Variants in ART3 observed in about 807,000 individuals in gnomAD.
ART3 encodes ecto-ADP-ribosyltransferase 3.
In ART3, 49 loss-of-function variants were observed where a neutral mutation model predicts 48.5. That is an observed-to-expected ratio of 1.01 (90% confidence interval 0.80 to 1.28). ART3 has a LOEUF of 1.28. Ranked by LOEUF, ART3 falls within the 50% of genes most tolerant of loss-of-function variation. The pLI is 0.00. For synonymous variants in ART3, 145 were observed against 157.2 expected, an observed-to-expected ratio of 0.92 and a Z score of 0.58; for missense variants, 438 against 454.3, an observed-to-expected ratio of 0.96 and a Z score of 0.33.
chr4:76,105,298 A>T (rs1728224546), intron 10 of ART3, among the ~76,000 whole-genome samples: 1 of 152,154 alleles, frequency 6.6e-6, no homozygotes. Context: ...AGACAGATAG[A>T]CCTGGCTTCA....
chr4:76,023,455 T>A, intron 1 of ART3: 1 of 1,606,558 alleles, frequency 6.2e-7, no homozygotes, highest in Non-Finnish European at 8.5e-7. Flanking sequence ...GAGGTTCCTC[T>A]GCTGTAGGCT....
At chr4:76,099,067 C>T (rs566540564) in intron 5 of ART3, 80 bp downstream of exon 5, 31 of 1,290,486 alleles carry the variant, frequency 2.4e-5, no homozygotes, top group Admixed American at 3.6e-5. Flanking sequence ...TTTGGAAGGC[C>T]GAGGTGAGTG....
chr4:76,109,688 G>T (rs1729116333), intron 11 of ART3, among the ~76,000 whole-genome samples: 1 of 152,154 alleles, frequency 6.6e-6, no homozygotes, highest in Non-Finnish European at 1.5e-5. Flanking sequence ...TTGCTAGGCA[G>T]TAGGAAATTT....
Position 76,060,115 on chromosome 4 carries a change from G to A in ART3, c.-9-15766G>A, listed in dbSNP as rs116961461. Among the ~76,000 whole-genome samples, 291 of 152,170 alleles carry A rather than the reference G, an allele frequency of 1.9e-3. 7 individuals are homozygous for A. The East Asian group carries it at 0.049, about 26-fold the overall frequency. On this transcript the variant is annotated intron_variant, in intron 1 of 9. Coordinates refer to the ART3 transcript ENST00000341029. ...GTCAGGTCTTAAAAAACTCATTTCC[G>A]TAGTTCCTGGTTTATAAAGTCTAAT...
intron 3 of ART3, among the ~76,000 whole-genome samples, chr4:76,090,042 T>C (rs1415351510): frequency 6.6e-6 from 1 of 152,160 alleles, no homozygotes; most frequent in East Asian, 1.9e-4. Flanking sequence ...ATTGCGCCAT[T>C]GCACTCCAGC....
At chr4:76,022,890 A>G (rs968093016) in intron 1 of ART3, 15 of 1,499,442 alleles carry the variant, frequency 1.0e-5, no homozygotes, top group Non-Finnish European at 1.4e-5. Context: ...GACTGGTGGT[A>G]TTTAGCAGAA....
chr4:76,075,756 C>G (rs1720899164), intron 1 of ART3, 125 bp from the exon 2 acceptor site: 1 of 661,762 alleles, frequency 1.5e-6, no homozygotes, highest in African/African-American at 1.8e-5. Context: ...TATTGATAAT[C>G]ACTTCCTGAC....
At chr4:76,046,084 T>C (rs1048689383) in intron 1 of ART3, among the ~76,000 whole-genome samples, 10 of 149,722 alleles carry the variant, frequency 6.7e-5, no homozygotes, top group African/African-American at 2.5e-5. Context: ...CATCCACATA[T>C]TGAAGGACCA....
chr4:76,069,812 T>C (rs1280443481), upstream of ART3, among the ~76,000 whole-genome samples: 3 of 150,974 alleles, frequency 2.0e-5, no homozygotes, highest in Non-Finnish European at 3.0e-5. Context: ...ATTATATTTA[T>C]AGATATATTT....
chr4:76,079,970 A>G (rs937979202), intron 2 of ART3, among the ~76,000 whole-genome samples: 5 of 152,086 alleles, frequency 3.3e-5, no homozygotes, highest in African/African-American at 7.2e-5. Context: ...TATCATTCAC[A>G]TAGAACCTGT....
At chr4:76,044,244 A>G (rs1013357731) in intron 1 of ART3, among the ~76,000 whole-genome samples, 7 of 152,046 alleles carry the variant, frequency 4.6e-5, no homozygotes, top group African/African-American at 1.7e-4. Flanking sequence ...GTCTGATTTC[A>G]GAAGCCTTTT....
intron 2 of ART3, among the ~76,000 whole-genome samples, chr4:76,079,239 A>G (rs1721897096): frequency 6.6e-6 from 1 of 151,638 alleles, no homozygotes; most frequent in African/African-American, 2.4e-5. Flanking sequence ...GTTGCCGAAC[A>G]CTTAGTGCCT....
intron 8 of ART3, among the ~76,000 whole-genome samples, chr4:76,103,698 G>A (rs1252120801): frequency 6.6e-6 from 1 of 152,162 alleles, no homozygotes; most frequent in Non-Finnish European, 1.5e-5. Flanking sequence ...TGAAGATAAA[G>A]CTGGAGAGAC....
chr4:76,045,228 G>A lies in ART3; in HGVS notation c.-9-30653G>A, dbSNP rs189371862. On this transcript the variant is annotated intron_variant, in intron 1 of 9. Coordinates refer to the ART3 transcript ENST00000341029. ...GGACTTCTAAGAGATCATCTCGGGC[G>A]GCATAAGTCTGGACTATAATTTGTT... 9.5e-3 allele frequency among the ~76,000 whole-genome samples: 1,448 copies of A among 152,062 alleles called. 27 individuals carry two copies. Among genetic ancestry groups the A allele is most frequent in the African/African-American group, 0.033 (1,366 of 41,516 alleles).
At chr4:76,081,670 G>T (rs1250083785) in intron 2 of ART3, among the ~76,000 whole-genome samples, 154 bp from the exon 3 acceptor site, 1 of 152,180 alleles carries the variant, frequency 6.6e-6, no homozygotes, top group Non-Finnish European at 1.5e-5. Context: ...AATAGCAATG[G>T]AATATACTTC....
At chr4:76,069,313 CAAT>C (rs1457935435) in intron 1 of ART3, among the ~76,000 whole-genome samples, 12 of 99,148 alleles carry the variant, frequency 1.2e-4, no homozygotes, top group Admixed American at 6.3e-4. Context: ...CTAAAAAAAT[CAAT>C]AATCTACTTT....
At chr4:76,047,645 G>A (rs28897072) in intron 1 of ART3, among the ~76,000 whole-genome samples, 33,292 of 151,766 alleles carry the variant, frequency 0.22, 4,423 homozygotes, top group East Asian at 0.4. Context: ...CCCATGATCT[G>A]AGTCAAGGTC....
intron 1 of ART3, among the ~76,000 whole-genome samples, chr4:76,019,256 T>A (rs1302629499): frequency 6.6e-6 from 1 of 151,654 alleles, no homozygotes; most frequent in Admixed American, 6.6e-5. Flanking sequence ...AGCAGTACTA[T>A]TCTGGTGATG....
At chr4:76,055,069 C>G (rs1049036030) in intron 1 of ART3, among the ~76,000 whole-genome samples, 24 of 152,214 alleles carry the variant, frequency 1.6e-4, no homozygotes, top group Non-Finnish European at 1.5e-5. Flanking sequence ...GCCACAATGC[C>G]TGGCCTCTTG....
Sources: allele counts gnomAD v4.1 joint callset (sites outside exome capture counted in the v4.1 genomes callset), GRCh38; gene constraint gnomAD v4.1.1; transcripts MANE v1.5; gene names NCBI Gene and HGNC (gene_info 2026-07-23, HGNC 2026-07-21).